ZNF407: variants seen among roughly 807,000 people sequenced by gnomAD.
ZNF407 encodes the protein zinc finger protein 407.
ZNF407 carries 17 observed loss-of-function variants against 131.2 expected under a neutral mutation model. The observed-to-expected ratio is 0.13, with a 90% CI of 0.09 to 0.19. The LOEUF is 0.19. Ranked by LOEUF, ZNF407 falls within the 10% of genes least tolerant of loss-of-function variation. The pLI is 1.00. For synonymous variants in ZNF407, 1,156 were observed against 1,062.0 expected, an observed-to-expected ratio of 1.09 and a Z score of -1.72; for missense variants, 2,681 against 2,830.6, an observed-to-expected ratio of 0.95 and a Z score of 1.20.
At chr18:74,847,679 C>T (rs779709051) in intron 4 of ZNF407, among the ~76,000 whole-genome samples, 4 of 152,120 alleles carry the variant, frequency 2.6e-5, no homozygotes, top group Admixed American at 6.5e-5. Context: ...AGGAGAAAGT[C>T]GACAACATGT....
chr18:74,748,277 ATTCT>A lies in ZNF407; in HGVS notation c.4803-33144_4803-33141del, dbSNP rs1968716622. 2.0e-5 allele frequency among the ~76,000 whole-genome samples: 3 copies of A among 151,346 alleles called. No homozygotes were observed. The East Asian group carries it at 5.8e-4, about 29-fold the overall frequency. On this transcript the variant is annotated intron_variant, in intron 3 of 8. Coordinates refer to ENST00000299687, the MANE Select transcript of ZNF407 (RefSeq NM_017757.3). ...TTTTCAGTGTTGCTGACATTTAAAA[ATTCT>A]TTCTTTTTTTTTTTTTTGTCCTCTG...
chr18:74,858,157 T>TCTCCCTCCCTTCC (rs1970886505), intron 4 of ZNF407, among the ~76,000 whole-genome samples: 2 of 137,360 alleles, frequency 1.5e-5, no homozygotes, highest in South Asian at 2.7e-4. Context: ...TCCCTTCCTC[T>TCTCCCTCCCTTCC]CTCCCTCCCT....
chr18:75,036,716 G>A (rs1973312868), intron 8 of ZNF407, among the ~76,000 whole-genome samples: 1 of 152,160 alleles, frequency 6.6e-6, no homozygotes, highest in Non-Finnish European at 1.5e-5. Context: ...TGATTAGCTG[G>A]TATTTTAACT....
At chr18:74,945,825 G>T (rs1038643501) in intron 8 of ZNF407, among the ~76,000 whole-genome samples, 1 of 152,068 alleles carries the variant, frequency 6.6e-6, no homozygotes, top group East Asian at 1.9e-4. Context: ...CTTAAGGAAC[G>T]TTTCAAATGC....
At chr18:74,878,101 C>T (rs893878600) in intron 5 of ZNF407, among the ~76,000 whole-genome samples, 4 of 152,034 alleles carry the variant, frequency 2.6e-5, no homozygotes, top group African/African-American at 9.7e-5. Flanking sequence ...AAATGTAAAT[C>T]CCAGTAAGAC....
intron 3 of ZNF407, among the ~76,000 whole-genome samples, chr18:74,649,903 C>T (rs893786781): frequency 1.3e-5 from 2 of 152,190 alleles, no homozygotes; most frequent in Non-Finnish European, 2.9e-5. Flanking sequence ...AACGTGGGAA[C>T]TCTAGTTTCA....
At chr18:74,862,302 C>T (rs959366303) in intron 4 of ZNF407, among the ~76,000 whole-genome samples, 1 of 152,204 alleles carries the variant, frequency 6.6e-6, no homozygotes, top group Non-Finnish European at 1.5e-5. Flanking sequence ...AAGCTGGCTG[C>T]ACGTTGGATC....
chr18:74,920,170 C>A (rs1971827568), intron 7 of ZNF407, among the ~76,000 whole-genome samples: 2 of 152,162 alleles, frequency 1.3e-5, no homozygotes, highest in South Asian at 4.1e-4. Flanking sequence ...CATTTTTGTA[C>A]CACTCCTCAG....
intron 4 of ZNF407, chr18:74,804,092 G>A (rs754662774): frequency 6.5e-7 from 1 of 1,548,078 alleles, no homozygotes; most frequent in South Asian, 1.2e-5. Context: ...GCAGTGGGAG[G>A]ATTGGCTGAG....
chr18:74,606,414 T>C (rs1266219165), intron 1 of ZNF407, among the ~76,000 whole-genome samples: 1 of 152,166 alleles, frequency 6.6e-6, no homozygotes, highest in African/African-American at 2.4e-5. Context: ...AAAAAATATA[T>C]TTTAAATATA....
intron 7 of ZNF407, among the ~76,000 whole-genome samples, chr18:74,918,008 G>A (rs1971795864): frequency 6.6e-6 from 1 of 152,104 alleles, no homozygotes; most frequent in Non-Finnish European, 1.5e-5. Context: ...AGAATTAAGG[G>A]GGTAATTTGG....
intron 4 of ZNF407, among the ~76,000 whole-genome samples, chr18:74,835,246 G>A (rs555086895): frequency 6.6e-6 from 1 of 152,274 alleles, no homozygotes; most frequent in African/African-American, 2.4e-5. Flanking sequence ...CGGAGTGTGG[G>A]AGACTCACAT....
chr18:74,763,925 G>A (rs1442436873), intron 3 of ZNF407, among the ~76,000 whole-genome samples: 1 of 151,594 alleles, frequency 6.6e-6, no homozygotes, highest in African/African-American at 2.4e-5. Context: ...GTGTTAGCCA[G>A]GATGGTCTCG....
chr18:74,709,256 T>C (rs1325896617), intron 3 of ZNF407, among the ~76,000 whole-genome samples: 1 of 152,200 alleles, frequency 6.6e-6, no homozygotes, highest in Non-Finnish European at 1.5e-5. Flanking sequence ...AAACCACTCA[T>C]GCATATATCT....
intron 4 of ZNF407, among the ~76,000 whole-genome samples, chr18:74,782,314 T>A (rs1195318047): frequency 6.6e-6 from 1 of 152,216 alleles, no homozygotes; most frequent in Non-Finnish European, 1.5e-5. Flanking sequence ...TTTTTTCTGT[T>A]ACTCTGAAGC....
intron 8 of ZNF407, among the ~76,000 whole-genome samples, chr18:75,053,097 T>C (rs1485678956): frequency 6.6e-6 from 1 of 152,206 alleles, no homozygotes; most frequent in African/African-American, 2.4e-5. Flanking sequence ...ATGATTACCT[T>C]ATTGGACTTA....
At chr18:74,961,178 A>G (rs1048334362) in intron 8 of ZNF407, among the ~76,000 whole-genome samples, 3 of 152,202 alleles carry the variant, frequency 2.0e-5, no homozygotes, top group Non-Finnish European at 4.4e-5. Flanking sequence ...AGTCTTTTAA[A>G]TGCTTTCCAT....
chr18:74,628,703 A>T (rs910498536), intron 1 of ZNF407, among the ~76,000 whole-genome samples: 7 of 152,032 alleles, frequency 4.6e-5, no homozygotes, highest in African/African-American at 1.7e-4. Context: ...CTCTTGCTTC[A>T]GCTCCGGAGT....
intron 8 of ZNF407, among the ~76,000 whole-genome samples, chr18:74,945,119 A>AC (rs1345090114): frequency 2.0e-5 from 3 of 152,058 alleles, no homozygotes; most frequent in African/African-American, 7.2e-5. Context: ...TACTTTTTTA[A>AC]CCCGGGTAGA....
Sources: allele counts gnomAD v4.1 joint callset (sites outside exome capture counted in the v4.1 genomes callset), GRCh38; gene constraint gnomAD v4.1.1; transcripts MANE v1.5; gene names NCBI Gene and HGNC (gene_info 2026-07-23, HGNC 2026-07-21).